GALK2: variants seen among roughly 807,000 people sequenced by gnomAD.
GALK2 encodes galactokinase 2.
GALK2 carries 36 observed loss-of-function variants against 52.4 expected under a neutral mutation model. That is an observed-to-expected ratio of 0.69 (90% confidence interval 0.53 to 0.91). The LOEUF (loss-of-function observed/expected upper bound fraction) is 0.91. GALK2 is among the 40% of genes least tolerant of loss of function. The probability of loss-of-function intolerance (pLI) is 0.00; values close to 1 mark genes in which losing one functional copy is unlikely to be tolerated. For missense variants in GALK2, 579 were observed against 559.1 expected (o/e 1.04, Z -0.36); for synonymous variants, 176 against 199.1 (o/e 0.88, Z 0.98).
chr15:49,222,209 T>C (rs2089847718), intron 3 of GALK2, among the ~76,000 whole-genome samples: 1 of 152,094 alleles, frequency 6.6e-6, no homozygotes, highest in Admixed American at 6.5e-5. Flanking sequence ...AGTTCATTAT[T>C]GATGTATTGA....
At chr15:49,318,270 T>C (rs544955320) in intron 8 of GALK2, 1 of 152,304 alleles carries the variant, frequency 6.6e-6, no homozygotes, top group South Asian at 2.1e-4. Flanking sequence ...CATGTTTCTG[T>C]AGCTGAAATT....
intron 7 of GALK2, among the ~76,000 whole-genome samples, chr15:49,288,195 G>A (rs950217363): frequency 1.3e-5 from 2 of 152,116 alleles, no homozygotes; most frequent in African/African-American, 4.8e-5. Context: ...TTCCAGAAGT[G>A]CTTTTCTTAT....
At chr15:49,204,734 A>C (rs2088119444) in intron 2 of GALK2, among the ~76,000 whole-genome samples, 1 of 152,044 alleles carries the variant, frequency 6.6e-6, no homozygotes, top group Non-Finnish European at 1.5e-5. Context: ...ATTGGGGTAC[A>C]GGTGGTATTT....
chr15:49,212,700 T>A (rs2089023824), intron 2 of GALK2, among the ~76,000 whole-genome samples: 1 of 152,172 alleles, frequency 6.6e-6, no homozygotes, highest in Non-Finnish European at 1.5e-5. Context: ...ATCTGTTGTC[T>A]TTTCACTCCC....
intron 6 of GALK2, among the ~76,000 whole-genome samples, chr15:49,282,778 C>G (rs1476328552): frequency 6.6e-6 from 1 of 152,134 alleles, no homozygotes; most frequent in Non-Finnish European, 1.5e-5. Context: ...CCAAGAACAC[C>G]TGGATTCCTT....
intron 8 of GALK2, among the ~76,000 whole-genome samples, chr15:49,305,145 A>G (rs773093349): frequency 3.9e-5 from 6 of 152,238 alleles, no homozygotes; most frequent in South Asian, 2.1e-4. Context: ...TTTTCTACCT[A>G]CTGTGCCATT....
chr15:49,274,341 A>G (rs1410706622), intron 5 of GALK2, among the ~76,000 whole-genome samples: 1 of 152,226 alleles, frequency 6.6e-6, no homozygotes, highest in Non-Finnish European at 1.5e-5. Context: ...TTGTAACACA[A>G]TGGTAAGTAT....
At chr15:49,305,699 G>A (rs1402657728) in intron 8 of GALK2, among the ~76,000 whole-genome samples, 1 of 152,144 alleles carries the variant, frequency 6.6e-6, no homozygotes, top group African/African-American at 2.4e-5. Flanking sequence ...GCCTAAAAAG[G>A]GAAGGGGGAC....
chr15:49,347,452 G>T (rs1412021405), intron 3 of GALK2, among the ~76,000 whole-genome samples: 1 of 152,154 alleles, frequency 6.6e-6, no homozygotes, highest in Admixed American at 6.5e-5. Context: ...ACAGATTATT[G>T]ATGACCCTAT....
At chr15:49,262,325 A>G (rs912516432) in intron 5 of GALK2, among the ~76,000 whole-genome samples, 1 of 151,942 alleles carries the variant, frequency 6.6e-6, no homozygotes, top group Non-Finnish European at 1.5e-5. Context: ...GAATTTATCC[A>G]TTTCTTCTGG....
At chr15:49,365,731 T>C (rs1216785020) in intron 3 of GALK2, 7 of 881,870 alleles carry the variant, frequency 7.9e-6, no homozygotes, top group East Asian at 2.4e-5. Context: ...CTCCAAGATA[T>C]CTTGTAAAAT....
In GALK2 at chr15:49,330,370, A is replaced by C. The variant is rs2038437903; in HGVS notation, c.*2211A>C. On this transcript the variant is annotated 3_prime_UTR_variant, in exon 10 of 10. Transcript: ENST00000560031. ...CCACATCTGGTCTGCAGATGTATAT[A>C]GTTTGGCCCACAGAATGACTAAAAA... is the stretch of plus-strand genomic sequence containing the variant. 1 of 152,218 alleles carries C rather than the reference A, an allele frequency of 6.6e-6. No homozygotes were observed. Among genetic ancestry groups the C allele is most frequent in the South Asian group, 2.1e-4 (1 of 4,834 alleles). 9.4% of individuals were successfully genotyped at this position (152,218 alleles called of 1,614,324 possible). A position where few individuals can be genotyped will look rare whatever the true frequency, so the allele number is the denominator to read the frequency against.
In GALK2 at chr15:49,170,395, G is replaced by A. The variant is rs1331320098; in HGVS notation, c.53+20G>A. The stretch of plus-strand genomic sequence containing the variant: ...TCCTAGGTGGGGGAGAGGAGACGCC[G>A]GGCTTTGGGATCTGCTGGGTTGGCT... On this transcript the variant is annotated intron_variant, in intron 1 of 9. Coordinates refer to ENST00000560031, the MANE Select transcript of GALK2 (RefSeq NM_002044.4). 1.9e-6 allele frequency: 3 copies of A among 1,576,050 alleles called. No homozygotes were observed. Among genetic ancestry groups the A allele is most frequent in the Non-Finnish European group, 1.7e-6 (2 of 1,161,284 alleles).
At chr15:49,277,526 G>T (rs1451577060) in intron 5 of GALK2, among the ~76,000 whole-genome samples, 1 of 147,720 alleles carries the variant, frequency 6.8e-6, no homozygotes, top group Non-Finnish European at 1.5e-5. Context: ...GGCCGGGCGC[G>T]GTGGCTCACG....
chr15:49,237,674 A>G (rs2090894858), intron 4 of GALK2, among the ~76,000 whole-genome samples: 2 of 151,884 alleles, frequency 1.3e-5, no homozygotes, highest in Admixed American at 1.3e-4. Flanking sequence ...ACGGGGTTTC[A>G]CTATATTGGC....
intron 3 of GALK2, among the ~76,000 whole-genome samples, chr15:49,354,554 C>T (rs577725360): frequency 2.6e-5 from 4 of 152,324 alleles, no homozygotes; most frequent in East Asian, 1.9e-4. Context: ...TAAAAAACGG[C>T]GCACCACGAG....
At chr15:49,255,464 C>T (rs1776159102) in intron 5 of GALK2, among the ~76,000 whole-genome samples, 1 of 141,844 alleles carries the variant, frequency 7.1e-6, no homozygotes, top group African/African-American at 2.5e-5. Flanking sequence ...TTTGAAGCGT[C>T]CAGGCCAAAT....
chr15:49,225,221 G>A (rs1308211452), intron 3 of GALK2: 1 of 455,928 alleles, frequency 2.2e-6, no homozygotes, highest in East Asian at 7.0e-5. Flanking sequence ...CGGGCTGCAG[G>A]GCTCCCTCAG....
chr15:49,223,716 G>T (rs547734530), intron 3 of GALK2, among the ~76,000 whole-genome samples: 29 of 152,298 alleles, frequency 1.9e-4, no homozygotes, highest in Admixed American at 4.6e-4. Flanking sequence ...CAAAGGATAT[G>T]ATTTCATCCT....
Sources: allele counts gnomAD v4.1 joint callset (sites outside exome capture counted in the v4.1 genomes callset), GRCh38; gene constraint gnomAD v4.1.1; transcripts MANE v1.5; gene names NCBI Gene and HGNC (gene_info 2026-07-23, HGNC 2026-07-21).